XYLT1: variants seen among roughly 807,000 people sequenced by gnomAD.
The protein encoded by XYLT1 is xylosyltransferase 1, also known as beta-D-xylosyltransferase 1.
In XYLT1, 36 loss-of-function variants were observed where a neutral mutation model predicts 91.3. The ratio of observed to expected loss-of-function variants is 0.39; its 90% CI spans 0.30 to 0.52. The LOEUF (loss-of-function observed/expected upper bound fraction) is 0.52, where lower values mean the gene tolerates loss of function less well. XYLT1 is among the 20% of genes least tolerant of loss of function. The pLI is 0.68. For missense variants in XYLT1, 1,242 were observed against 1,284.5 expected, an observed-to-expected ratio of 0.97 and a Z score of 0.51; for synonymous variants, 588 against 532.0, an observed-to-expected ratio of 1.11 and a Z score of -1.45.
At chr16:17,346,599 A>T (rs2035147132) in intron 2 of XYLT1, among the ~76,000 whole-genome samples, 1 of 152,228 alleles carries the variant, frequency 6.6e-6, no homozygotes, top group African/African-American at 2.4e-5. Flanking sequence ...ACCCATGTGC[A>T]GGTCAGAGAT....
intron 1 of XYLT1, among the ~76,000 whole-genome samples, chr16:17,429,370 G>A (rs2036360626): frequency 6.6e-6 from 1 of 152,180 alleles, no homozygotes; most frequent in Non-Finnish European, 1.5e-5. Flanking sequence ...AAAATCACTG[G>A]CCCAAAATAA....
intron 2 of XYLT1, among the ~76,000 whole-genome samples, chr16:17,313,987 T>C (rs1289010506): frequency 6.6e-6 from 1 of 152,222 alleles, no homozygotes; most frequent in Non-Finnish European, 1.5e-5. Flanking sequence ...AGGTCATCAG[T>C]GATAAATCAA....
chr16:17,470,651 G>A lies in XYLT1; in HGVS notation c.146C>T (p.Ala49Val). ...DSGAGERRGG[A>V]AVGGGEQPPP... is the part of the protein sequence containing the mutation. ...CGGCTGCTCCCCGCCGCCGACCGCT[G>A]CGCCCCCGCGGCGCTCCCCGGCCCC... Residue 49 changes from alanine (A) to valine (V), a missense_variant, in exon 1 of 12, where the codon GCA becomes GTA. Physicochemically the swap from Ala to Val is moderately conservative, Grantham distance 64. This residue lies in a region of XYLT1 where 437 missense variants were observed against 411.5 expected (regional missense o/e 1.06). Transcript: ENST00000261381. The A allele has an allele frequency of 2.7e-6, 3 of 1,116,470 alleles. No individual in the cohort carries two copies. Among genetic ancestry groups the A allele is most frequent in the Non-Finnish European group, 3.3e-6 (3 of 903,174 alleles). The allele number at this position is 1,116,470 out of a possible 1,614,324, so 69.2% of individuals were successfully genotyped here. A position where few individuals can be genotyped will look rare whatever the true frequency, so the allele number is the denominator to read the frequency against.
At chr16:17,366,469 C>T (rs1248544762) in intron 1 of XYLT1, among the ~76,000 whole-genome samples, 2 of 152,160 alleles carry the variant, frequency 1.3e-5, no homozygotes, top group Admixed American at 6.5e-5. Context: ...CCAAGGCTGA[C>T]GGATCACTTG....
At position 17,311,766 on chromosome 16, in the gene XYLT1, A is replaced by G. The variant is rs558584868; in HGVS notation, c.402+46246T>C. On this transcript the variant is annotated intron_variant, in intron 2 of 11. Coordinates refer to ENST00000261381, the MANE Select transcript of XYLT1 (RefSeq NM_022166.4). ...TAAGAAAAATAAGTTTAATGAACTC[A>G]CAGTTCCAAGTGGCTGGGGAGGCCG... 3.8e-4 allele frequency among the ~76,000 whole-genome samples: 57 copies of G among 149,668 alleles called. 3 individuals carry two copies. Among genetic ancestry groups the G allele is most frequent in the African/African-American group, 1.4e-3 (56 of 40,994 alleles).
intron 5 of XYLT1, among the ~76,000 whole-genome samples, chr16:17,173,363 A>G (rs963691577): frequency 5.3e-5 from 8 of 152,236 alleles, no homozygotes; most frequent in Admixed American, 3.3e-4. Flanking sequence ...TGAAGACAAA[A>G]TCCCTCTGAG....
intron 1 of XYLT1, among the ~76,000 whole-genome samples, chr16:17,427,698 ACT>A (rs1324871745): frequency 6.6e-6 from 1 of 151,128 alleles, no homozygotes; most frequent in East Asian, 1.9e-4. Context: ...TCCTACCCAC[ACT>A]CTTTTTTGTA....
intron 1 of XYLT1, among the ~76,000 whole-genome samples, chr16:17,465,963 G>A (rs149424914): frequency 3.0e-3 from 458 of 152,264 alleles, no homozygotes; most frequent in Non-Finnish European, 4.1e-3. Flanking sequence ...GCCGAGCCAG[G>A]AGGTGAACCC....
chr16:17,466,615 G>A (rs2036900597), intron 1 of XYLT1, among the ~76,000 whole-genome samples: 1 of 152,006 alleles, frequency 6.6e-6, no homozygotes, highest in African/African-American at 2.4e-5. Flanking sequence ...CCACCCTTCT[G>A]GAAGATTTTT....
chr16:17,207,542 C>T (rs763979311), intron 3 of XYLT1, among the ~76,000 whole-genome samples: 4 of 152,116 alleles, frequency 2.6e-5, no homozygotes, highest in African/African-American at 4.8e-5. Context: ...TACAGGGTCC[C>T]GGTGGTGGGG....
intron 9 of XYLT1, among the ~76,000 whole-genome samples, chr16:17,131,561 G>A (rs547414991): frequency 7.9e-5 from 12 of 152,248 alleles, no homozygotes; most frequent in South Asian, 6.2e-4. Flanking sequence ...TGCCTGCCCC[G>A]GAGGGCATTT....
chr16:17,278,067 A>C (rs190339982), intron 2 of XYLT1, among the ~76,000 whole-genome samples: 3 of 152,138 alleles, frequency 2.0e-5, no homozygotes, highest in African/African-American at 7.2e-5. Context: ...CCCTGCGAAC[A>C]TGAGGCATCT....
At chr16:17,173,233 G>A (rs1180487404) in intron 5 of XYLT1, among the ~76,000 whole-genome samples, 1 of 152,198 alleles carries the variant, frequency 6.6e-6, no homozygotes, top group Non-Finnish European at 1.5e-5. Flanking sequence ...AACAGGACGT[G>A]TAGTAGATGA....
chr16:17,336,552 G>A (rs1378464292), intron 2 of XYLT1, among the ~76,000 whole-genome samples: 1 of 152,178 alleles, frequency 6.6e-6, no homozygotes, highest in South Asian at 2.1e-4. Context: ...ATATGGATGC[G>A]TGTACAGATG....
At chr16:17,261,241 CAA>C (rs10573500) in intron 2 of XYLT1, among the ~76,000 whole-genome samples, 7,865 of 96,512 alleles carry the variant, frequency 0.081, 960 homozygotes, top group African/African-American at 0.27. Flanking sequence ...AACTGGCTCT[CAA>C]AAAAAAAAAA....
At chr16:17,303,521 G>A (rs151058314) in intron 2 of XYLT1, among the ~76,000 whole-genome samples, 48 of 152,310 alleles carry the variant, frequency 3.2e-4, no homozygotes, top group African/African-American at 1.1e-3. Context: ...ACATGTTGAT[G>A]CCCCCGTGAG....
intron 10 of XYLT1, among the ~76,000 whole-genome samples, chr16:17,122,098 T>G (rs138104753): frequency 8.5e-5 from 13 of 152,324 alleles, no homozygotes; most frequent in African/African-American, 2.2e-4. Context: ...TATAATGACT[T>G]ACTTTTCTCT....
At chr16:17,264,128 T>C (rs1372199577) in intron 2 of XYLT1, among the ~76,000 whole-genome samples, 2 of 152,192 alleles carry the variant, frequency 1.3e-5, no homozygotes, top group Non-Finnish European at 2.9e-5. Context: ...TGTACTACTA[T>C]ATTGTTGGCT....
At chr16:17,158,720 C>T (rs1350424324) in intron 6 of XYLT1, 109 bp downstream of exon 6, 1 of 1,203,968 alleles carries the variant, frequency 8.3e-7, no homozygotes, top group East Asian at 2.3e-5. Context: ...AAGCCTTTCT[C>T]CCACCCTCAA....
Sources: allele counts gnomAD v4.1 joint callset (sites outside exome capture counted in the v4.1 genomes callset), GRCh38; gene constraint gnomAD v4.1.1; regional missense constraint gnomAD v4.1.1; transcripts MANE v1.5; gene names NCBI Gene and HGNC (gene_info 2026-07-23, HGNC 2026-07-21).